The following ACYP2 variants were observed in gnomAD, a reference collection of about 807,000 sequenced individuals.
ACYP2 encodes the protein acylphosphatase-2.
A neutral mutation model predicts 11.2 loss-of-function variants in ACYP2; 12 were observed. That is an observed-to-expected ratio of 1.08 (90% CI 0.69 to 1.74). ACYP2 has a LOEUF of 1.74. ACYP2 is among the 40% of genes most tolerant of loss of function. The pLI is 0.00. For synonymous variants in ACYP2, 43 were observed against 32.2 expected, an observed-to-expected ratio of 1.33 and a Z score of -1.13; for missense variants, 134 against 101.9, an observed-to-expected ratio of 1.31 and a Z score of -1.35.
At chr2:54,010,741 T>C (rs4671753) in intron 2 of ACYP2, among the ~76,000 whole-genome samples, 2,589 of 37,656 alleles carry the variant, frequency 0.069, 205 homozygotes, top group South Asian at 0.093. Context: ...TTCTTTCTTT[T>C]TTTTTTTTTT....
rs531485691 is a variant in ACYP2 at position 54,276,250 on chromosome 2, A to G, written c.405-28438A>G. Among the ~76,000 whole-genome samples the G allele has an allele frequency of 5.6e-4, 86 of 152,254 alleles. 1 individual carries two copies. The highest frequency in any genetic ancestry group is 1.9e-3 in the African/African-American group (81 of 41,548). ...CCCTTCCCCTCTGGCCATTGTCCCA[A>G]TAGCATATTTTAGTTAATAAAAGTC... On this transcript the variant is annotated intron_variant, in intron 6 of 6. Transcript: ENST00000607452.
At position 54,201,636 on chromosome 2, in the gene ACYP2, C is replaced by CTTTCTTTCTTTCTTTGTTTCTTTTTCTT. The variant is rs59874821; in HGVS notation, c.404+62889_404+62890insTTCTTTCTTTCTTTGTTTCTTTTTCTTT. On this transcript the variant is annotated intron_variant, in intron 6 of 6. Transcript: ENST00000607452. ...TCTTTCTTTCTTTGTTTCTTTCTTT[C>CTTTCTTTCTTTCTTTGTTTCTTTTTCTT]TCTTTCTTTCTTTCTTTCTTTCTTT... 4.2e-4 allele frequency among the ~76,000 whole-genome samples: 39 copies of CTTTCTTTCTTTCTTTGTTTCTTTTTCTT among 93,698 alleles called. 2 individuals are homozygous for CTTTCTTTCTTTCTTTGTTTCTTTTTCTT. Among genetic ancestry groups the CTTTCTTTCTTTCTTTGTTTCTTTTTCTT allele is most frequent in the East Asian group, 1.3e-3 (4 of 3,106 alleles). 61.5% of individuals were successfully genotyped at this position (93,698 alleles called of 152,430 possible).
intron 4 of ACYP2, among the ~76,000 whole-genome samples, chr2:54,129,790 A>G (rs1338756900): frequency 6.7e-6 from 1 of 149,170 alleles, no homozygotes; most frequent in East Asian, 1.9e-4. Context: ...TCACTTTGAA[A>G]GTAAACTTAA....
intron 6 of ACYP2, among the ~76,000 whole-genome samples, chr2:54,181,530 T>G (rs931109463): frequency 1.3e-5 from 2 of 152,206 alleles, no homozygotes; most frequent in Non-Finnish European, 2.9e-5. Flanking sequence ...ATTGTAAGCA[T>G]GACTTTCTGC....
intron 3 of ACYP2, among the ~76,000 whole-genome samples, chr2:54,056,071 G>T (rs1468185736): frequency 6.6e-6 from 1 of 152,086 alleles, no homozygotes; most frequent in Non-Finnish European, 1.5e-5. Flanking sequence ...GCTTTTTCTG[G>T]ATTAATGTAG....
intron 6 of ACYP2, among the ~76,000 whole-genome samples, chr2:54,238,037 C>T (rs886927728): frequency 6.6e-6 from 1 of 152,146 alleles, no homozygotes; most frequent in African/African-American, 2.4e-5. Context: ...TAGCCTGGAA[C>T]ACTGTTTTCA....
At chr2:54,071,911 T>C (rs1677067072) in intron 4 of ACYP2, among the ~76,000 whole-genome samples, 1 of 152,028 alleles carries the variant, frequency 6.6e-6, no homozygotes, top group Non-Finnish European at 1.5e-5. Context: ...CTTAGGAGGC[T>C]GAGGCAGGAG....
chr2:54,095,726 T>A (rs1350366312), intron 4 of ACYP2, among the ~76,000 whole-genome samples: 7 of 91,726 alleles, frequency 7.6e-5, no homozygotes, highest in East Asian at 3.9e-4. Flanking sequence ...CACTTCCCAG[T>A]AGGGGCGGCC....
At chr2:54,096,605 C>T (rs368462700) in intron 4 of ACYP2, among the ~76,000 whole-genome samples, 18,199 of 152,098 alleles carry the variant, frequency 0.12, 1,165 homozygotes, top group East Asian at 0.31. Flanking sequence ...CCGAGGCTGG[C>T]GGATCCCTCG....
At chr2:54,190,234 T>C (rs544941059) in intron 6 of ACYP2, among the ~76,000 whole-genome samples, 1 of 152,200 alleles carries the variant, frequency 6.6e-6, no homozygotes, top group Non-Finnish European at 1.5e-5. Context: ...TTATTTATTT[T>C]TGCTTTTGTA....
chr2:54,298,882 G>T (rs1689618760), intron 6 of ACYP2, among the ~76,000 whole-genome samples: 1 of 152,190 alleles, frequency 6.6e-6, no homozygotes, highest in Non-Finnish European at 1.5e-5. Context: ...CTCCTGAGTA[G>T]CTGGACTTAA....
At chr2:53,989,300 T>A in intron 2 of ACYP2, among the ~76,000 whole-genome samples, 1 of 147,240 alleles carries the variant, frequency 6.8e-6, no homozygotes, top group African/African-American at 2.5e-5. Context: ...TTTTTTTTTT[T>A]CACAGACAAG....
At chr2:54,135,796 G>C (rs1243966601) in intron 5 of ACYP2, among the ~76,000 whole-genome samples, 2 of 152,154 alleles carry the variant, frequency 1.3e-5, no homozygotes, top group African/African-American at 4.8e-5. Flanking sequence ...AAATCCTCTA[G>C]GCAACGGTAC....
rs184744719 is a variant in ACYP2, at chr2:53,974,861, A to T, written c.62+1051A>T. Among the ~76,000 whole-genome samples the T allele has an allele frequency of 2.0e-5, 3 of 152,308 alleles. No homozygotes were observed. The East Asian group carries it at 5.8e-4, about 29-fold the overall frequency. On this transcript the variant is annotated intron_variant, in intron 2 of 6. Coordinates refer to ENST00000607452, the MANE Select transcript of ACYP2 (RefSeq NM_001320586.2). ...ATTTGAAAGAGAGTGGTTAAAGTCT[A>T]AGTTTGGTTGACGTGTAAGTGAAGA...
At chr2:54,190,685 C>T (rs555210140) in intron 6 of ACYP2, among the ~76,000 whole-genome samples, 1 of 152,188 alleles carries the variant, frequency 6.6e-6, no homozygotes, top group East Asian at 1.9e-4. Flanking sequence ...GCGTATAGTG[C>T]TTTTCTCCCT....
chr2:54,091,439 TTA>T (rs768270104), intron 4 of ACYP2, among the ~76,000 whole-genome samples: 3 of 152,098 alleles, frequency 2.0e-5, no homozygotes, highest in Non-Finnish European at 2.9e-5. Context: ...GCAGATGCCC[TTA>T]TCTCTTTTCT....
In ACYP2 at chr2:54,182,561, C is replaced by A. The variant is rs879362612; in HGVS notation, c.404+43813C>A. 8.5e-5 allele frequency among the ~76,000 whole-genome samples: 13 copies of A among 152,144 alleles called. No homozygotes were observed. The East Asian group carries it at 2.5e-3, about 29-fold the overall frequency. ...GTCTGTTGCCCAGGCTGGTCTTGAA[C>A]TCCTGGGCTCAAGCAGTCCTCCTGC... On this transcript the variant is annotated intron_variant, in intron 6 of 6. Coordinates refer to ENST00000607452, the MANE Select transcript of ACYP2 (RefSeq NM_001320586.2).
chr2:54,266,590 C>CTTTTTTTTTTTTTTTTTTTTTTTTTTTT (rs138812389), intron 6 of ACYP2, among the ~76,000 whole-genome samples: 1 of 52,242 alleles, frequency 1.9e-5, no homozygotes. Context: ...ATCTATCTAT[C>CTTTTTTTTTTTTTTTTTTTTTTTTTTTT]TTTTTTTTTT....
intron 4 of ACYP2, among the ~76,000 whole-genome samples, chr2:54,061,971 A>C (rs1676491839): frequency 6.6e-6 from 1 of 152,192 alleles, no homozygotes; most frequent in African/African-American, 2.4e-5. Context: ...CAGGCCTGTA[A>C]ATGTATTTTA....
Sources: gnomAD v4.1 joint callset for allele counts (sites outside exome capture counted in the v4.1 genomes callset) on GRCh38, gnomAD v4.1.1 for gene constraint, MANE v1.5 for transcripts, NCBI Gene and HGNC (gene_info 2026-07-23, HGNC 2026-07-21) for gene names.